The following NRF1 variants were observed in gnomAD, a reference collection of about 807,000 sequenced individuals.
The protein encoded by NRF1 is nuclear respiratory factor 1.
A neutral mutation model predicts 58.5 loss-of-function variants in NRF1; 5 were observed. The observed-to-expected ratio is 0.09, with a 90% CI of 0.04 to 0.18. NRF1 has a LOEUF of 0.18. Among genes scored for constraint, NRF1 ranks in the 10% least tolerant of loss-of-function variants. NRF1 has a pLI of 1.00. For synonymous variants in NRF1, 224 were observed against 246.7 expected, an observed-to-expected ratio of 0.91 and a Z score of 0.86; for missense variants, 288 against 657.7, an observed-to-expected ratio of 0.44 and a Z score of 6.15.
chr7:129,663,336 G>A (rs1184240365), intron 2 of NRF1, among the ~76,000 whole-genome samples: 7 of 151,890 alleles, frequency 4.6e-5, no homozygotes, highest in Non-Finnish European at 1.0e-4. Flanking sequence ...CTTCCCAGAC[G>A]GGGTGGCCGG....
chr7:129,634,643 T>C (rs1475826448), intron 1 of NRF1, among the ~76,000 whole-genome samples: 2 of 152,222 alleles, frequency 1.3e-5, no homozygotes, highest in East Asian at 3.8e-4. Flanking sequence ...AAAACTGCTG[T>C]GAATATTTAT....
At chr7:129,711,435 C>G (rs1803070725) in intron 7 of NRF1, 40 bp from the exon 8 acceptor site, 1 of 1,464,490 alleles carries the variant, frequency 6.8e-7, no homozygotes, top group Non-Finnish European at 9.5e-7. Context: ...TGGAAGGATC[C>G]ATCCACTGAC....
chr7:129,650,403 A>G (rs1801508945), intron 1 of NRF1, among the ~76,000 whole-genome samples: 1 of 152,056 alleles, frequency 6.6e-6, no homozygotes, highest in South Asian at 2.1e-4. Flanking sequence ...GGTTTCCTAT[A>G]GTTTCTTTAT....
intron 8 of NRF1, among the ~76,000 whole-genome samples, chr7:129,713,291 A>G (rs747557311): frequency 2.0e-5 from 3 of 152,124 alleles, no homozygotes; most frequent in African/African-American, 4.8e-5. Flanking sequence ...GGGTTTTACC[A>G]TGTTGGCCAG....
chr7:129,666,685 C>T (rs960698854), intron 2 of NRF1, among the ~76,000 whole-genome samples: 1 of 152,156 alleles, frequency 6.6e-6, no homozygotes, highest in East Asian at 1.9e-4. Flanking sequence ...GCACACACCA[C>T]CATACCTGGC....
At chr7:129,664,423 A>G (rs1801875182) in intron 2 of NRF1, among the ~76,000 whole-genome samples, 1 of 152,204 alleles carries the variant, frequency 6.6e-6, no homozygotes, top group South Asian at 2.1e-4. Context: ...TTTTGAATAT[A>G]TGCTGTATTT....
intron 1 of NRF1, among the ~76,000 whole-genome samples, chr7:129,640,367 A>C (rs201249543): frequency 6.6e-6 from 1 of 151,894 alleles, no homozygotes; most frequent in South Asian, 2.1e-4. Context: ...AAATTTTTTT[A>C]ATTAGCTGGG....
At chr7:129,673,839 AT>A (rs912632961) in intron 3 of NRF1, among the ~76,000 whole-genome samples, 13 of 151,358 alleles carry the variant, frequency 8.6e-5, no homozygotes, top group African/African-American at 2.7e-4. Context: ...TTAAAAAAAA[AT>A]TTTTTTAAGC....
At chr7:129,686,946 G>T (rs896945997) in intron 4 of NRF1, among the ~76,000 whole-genome samples, 1 of 152,204 alleles carries the variant, frequency 6.6e-6, no homozygotes, top group Non-Finnish European at 1.5e-5. Flanking sequence ...ATTGATAAAT[G>T]TTGACACAAT....
intron 1 of NRF1, among the ~76,000 whole-genome samples, chr7:129,613,423 C>A (rs1186212521): frequency 6.6e-6 from 1 of 152,076 alleles, no homozygotes; most frequent in East Asian, 1.9e-4. Context: ...AGTGTAATTT[C>A]CTTATTTTAT....
intron 2 of NRF1, among the ~76,000 whole-genome samples, chr7:129,669,646 A>G (rs1328555670): frequency 6.6e-6 from 1 of 152,216 alleles, no homozygotes; most frequent in Non-Finnish European, 1.5e-5. Context: ...AGACTTAGAA[A>G]TCACCAACAG....
intron 4 of NRF1, 29 bp from the exon 5 acceptor site, chr7:129,690,377 T>G: frequency 6.2e-7 from 1 of 1,600,694 alleles, no homozygotes; most frequent in East Asian, 2.2e-5. Context: ...TTGGGCATCT[T>G]GTTTACTTCT....
chr7:129,747,806 A>G (rs147110395), intron 10 of NRF1, among the ~76,000 whole-genome samples: 1 of 152,326 alleles, frequency 6.6e-6, no homozygotes, highest in Non-Finnish European at 1.5e-5. Context: ...TGTGGAGAAA[A>G]TTCGACTTCA....
intron 1 of NRF1, among the ~76,000 whole-genome samples, chr7:129,641,356 G>A (rs556349134): frequency 1.3e-5 from 2 of 151,946 alleles, no homozygotes; most frequent in South Asian, 2.1e-4. Flanking sequence ...TTCCTGTAGG[G>A]CCTCTTAACT....
chr7:129,647,344 C>T (rs565324425), intron 1 of NRF1, among the ~76,000 whole-genome samples: 1 of 151,924 alleles, frequency 6.6e-6, no homozygotes, highest in South Asian at 2.1e-4. Flanking sequence ...TTCATAAAAT[C>T]ATCCACTCAT....
chr7:129,731,763 A>G (rs1803585362), intron 10 of NRF1, among the ~76,000 whole-genome samples: 2 of 152,104 alleles, frequency 1.3e-5, no homozygotes, highest in South Asian at 4.2e-4. Flanking sequence ...GCACTGCCAC[A>G]CCGCGCTAAT....
chr7:129,670,540 G>C (rs1205739284), intron 2 of NRF1, among the ~76,000 whole-genome samples: 1 of 152,096 alleles, frequency 6.6e-6, no homozygotes, highest in Non-Finnish European at 1.5e-5. Context: ...TATTTTATTT[G>C]AGCCACTTAG....
chr7:129,666,833 A>C (rs1173209800), intron 2 of NRF1, among the ~76,000 whole-genome samples: 8 of 152,298 alleles, frequency 5.3e-5, no homozygotes, highest in Non-Finnish European at 1.0e-4. Flanking sequence ...ATCCAGCCTG[A>C]ATATTTCACA....
chr7:129,754,551 A>G (rs1804206853), intron 10 of NRF1, among the ~76,000 whole-genome samples: 1 of 149,082 alleles, frequency 6.7e-6, no homozygotes, highest in Admixed American at 6.7e-5. Flanking sequence ...AGTCTGGGGA[A>G]GGGTTGGGGA....
Sources: gnomAD v4.1 joint callset for allele counts (sites outside exome capture counted in the v4.1 genomes callset) on GRCh38, gnomAD v4.1.1 for gene constraint, MANE v1.5 for transcripts, NCBI Gene and HGNC (gene_info 2026-07-23, HGNC 2026-07-21) for gene names.